The following MCM6 variants were observed in gnomAD, a reference collection of about 807,000 sequenced individuals.
MCM6 encodes minichromosome maintenance complex component 6.
MCM6 carries 46 observed loss-of-function variants against 94.3 expected under a neutral mutation model. That is an observed-to-expected ratio of 0.49 (90% CI 0.39 to 0.62). MCM6 has a LOEUF of 0.62. MCM6 is among the 20% of genes least tolerant of loss of function. The probability of loss-of-function intolerance (pLI) is 0.00; values close to 1 mark genes in which losing one functional copy is unlikely to be tolerated. For synonymous variants in MCM6, 335 were observed against 351.9 expected, an observed-to-expected ratio of 0.95 and a Z score of 0.54; for missense variants, 865 against 1,017.9, an observed-to-expected ratio of 0.85 and a Z score of 2.04.
intron 8 of MCM6, among the ~76,000 whole-genome samples, 184 bp from the exon 9 acceptor site, chr2:135,859,626 G>C (rs902515461): frequency 2.0e-5 from 3 of 150,104 alleles, no homozygotes; most frequent in Non-Finnish European, 4.4e-5. Flanking sequence ...TTTTTTTTGA[G>C]AGGGTCTCGC....
In MCM6 at chr2:135,854,038, G is replaced by A. The variant is rs141924435; in HGVS notation, c.1627-1123C>T. Reference sequence around the variant, plus strand: ...GCTCAGGAGTTCAAGACCAGTCCAGGCAACACGGCAAAACTCGGTCTCTAC... The same window carrying A: ...GCTCAGGAGTTCAAGACCAGTCCAGACAACACGGCAAAACTCGGTCTCTAC... On this transcript the variant is annotated intron_variant, in intron 11 of 16. Transcript: ENST00000264156. Among the ~76,000 whole-genome samples the A allele has an allele frequency of 2.6e-5, 4 of 152,186 alleles. No homozygotes were observed. The East Asian group carries it at 7.7e-4, about 29-fold the overall frequency.
intron 16 of MCM6, among the ~76,000 whole-genome samples, chr2:135,842,107 GATAAATAA>G (rs111345267): frequency 9.9e-5 from 15 of 151,506 alleles, no homozygotes; most frequent in African/African-American, 2.9e-4. Context: ...TCTCTCAAAA[GATAAATAA>G]ATAAATAAAT....
intron 8 of MCM6, among the ~76,000 whole-genome samples, chr2:135,860,588 T>G (rs535000861): frequency 6.3e-4 from 96 of 152,276 alleles, no homozygotes; most frequent in Non-Finnish European, 1.0e-3. Flanking sequence ...TCAATCAATA[T>G]GCTAAATTAA....
rs1342303363 is a variant in MCM6 at position 135,876,399 on chromosome 2, G to C, written c.-34C>G. 5 of 1,532,526 alleles carry C rather than the reference G, an allele frequency of 3.3e-6. No individual in the cohort carries two copies. The South Asian group carries it at 4.6e-5, about 14-fold the overall frequency. The allele number at this position is 1,532,526 out of a possible 1,614,324, so 94.9% of individuals were successfully genotyped here. ...AGTGCCGAGGATTCGCCTGCGCCAC[G>C]CTCGACCGCCACAAGTCGCTTTTTT... On this transcript the variant is annotated 5_prime_UTR_variant, in exon 1 of 17. Transcript: ENST00000264156.
At chr2:135,846,722 G>A (rs572718300) in intron 14 of MCM6, among the ~76,000 whole-genome samples, 24 of 152,070 alleles carry the variant, frequency 1.6e-4, no homozygotes, top group Admixed American at 5.9e-4. Context: ...AAAATAAACC[G>A]GCTAGGTGCA....
At position 135,844,529 on chromosome 2, in the gene MCM6, G is replaced by A. The variant is rs536635096; in HGVS notation, c.2349+16C>T. The A allele has an allele frequency of 1.4e-5, 21 of 1,479,342 alleles. No homozygotes were observed. The Admixed American group carries it at 3.1e-4, about 22-fold the overall frequency. 91.6% of individuals were successfully genotyped at this position (1,479,342 alleles called of 1,614,324 possible). A position where few individuals can be genotyped will look rare whatever the true frequency, so the allele number is the denominator to read the frequency against. On this transcript the variant is annotated intron_variant, in intron 16 of 16. Coordinates refer to ENST00000264156, the MANE Select transcript of MCM6 (RefSeq NM_005915.6). Reference sequence around the variant, plus strand: ...CTCCCTCCCTGATACCAGAGCACGCGCACTTCTGCACCTACATAGTGTGTG... The same window carrying A: ...CTCCCTCCCTGATACCAGAGCACGCACACTTCTGCACCTACATAGTGTGTG...
intron 11 of MCM6, among the ~76,000 whole-genome samples, chr2:135,855,009 AGCCAG>A (rs1679847070): frequency 6.6e-6 from 1 of 151,642 alleles, no homozygotes; most frequent in Non-Finnish European, 1.5e-5. Flanking sequence ...ACACAAAATT[AGCCAG>A]GCGTGGTGGC....
chr2:135,869,140 C>T (rs1206174527), intron 3 of MCM6, among the ~76,000 whole-genome samples: 1 of 152,126 alleles, frequency 6.6e-6, no homozygotes, highest in Non-Finnish European at 1.5e-5. Flanking sequence ...CAGTGACTCA[C>T]ACCTGTAATC....
At chr2:135,843,613 G>A (rs572432553) in intron 16 of MCM6, among the ~76,000 whole-genome samples, 12 of 151,266 alleles carry the variant, frequency 7.9e-5, no homozygotes, top group East Asian at 7.8e-4. Flanking sequence ...GGTGGCCGGC[G>A]CCTGTAATCC....
At chr2:135,843,852 G>C (rs1679624849) in intron 16 of MCM6, among the ~76,000 whole-genome samples, 1 of 152,072 alleles carries the variant, frequency 6.6e-6, no homozygotes, top group Non-Finnish European at 1.5e-5. Flanking sequence ...CTATTTGTAG[G>C]AGTGATCAAC....
At chr2:135,866,495 T>C in intron 5 of MCM6, 68 bp downstream of exon 5, 1 of 1,503,790 alleles carries the variant, frequency 6.6e-7, no homozygotes, top group South Asian at 1.3e-5. Context: ...AATGAAGATG[T>C]GGGAAGCTAG....
intron 12 of MCM6, among the ~76,000 whole-genome samples, chr2:135,852,267 A>G (rs1045507387): frequency 6.6e-6 from 1 of 151,872 alleles, no homozygotes; most frequent in African/African-American, 2.4e-5. Context: ...CAGAATGAGT[A>G]TTTTTTTTCC....
At chr2:135,851,363 T>C in intron 13 of MCM6, 39 bp downstream of exon 13, 1 of 1,542,352 alleles carries the variant, frequency 6.5e-7, no homozygotes, top group Non-Finnish European at 8.9e-7. Context: ...AACAAATCTG[T>C]TTATCTCTGC....
chr2:135,865,800 C>T (rs1049793292), intron 6 of MCM6, among the ~76,000 whole-genome samples: 1 of 152,116 alleles, frequency 6.6e-6, no homozygotes, highest in African/African-American at 2.4e-5. Context: ...ATCCCGTGCT[C>T]TCAACATTGA....
Position 135,840,895 on chromosome 2 carries a change from A to G in MCM6, c.2406T>C (p.Ser802=). The part of the protein sequence containing the change: ...QAGLKGSTEG[S]ESYEEDPYLV... ...AGTAGGGATCTTCTTCATAGCTCTCACTTCCCTCTGTGGAGCCTTTCAATC... is the reference window on the plus strand; with the variant it reads ...AGTAGGGATCTTCTTCATAGCTCTCGCTTCCCTCTGTGGAGCCTTTCAATC... The change falls in exon 17 of 17, where the codon AGT becomes AGC. Residue 802 remains serine, a synonymous_variant. Transcript: ENST00000264156. 6.2e-7 allele frequency: 1 copy of G among 1,614,150 alleles called. No homozygotes were observed.
chr2:135,850,550 G>C lies in MCM6; in HGVS notation c.1917+852C>G, dbSNP rs4988237. 3.6e-4 allele frequency among the ~76,000 whole-genome samples: 55 copies of C among 152,246 alleles called. 2 individuals carry two copies. The East Asian group carries it at 5.2e-3, about 14-fold the overall frequency. On this transcript the variant is annotated intron_variant, in intron 13 of 16. Coordinates refer to ENST00000264156, the MANE Select transcript of MCM6 (RefSeq NM_005915.6). The stretch of plus-strand genomic sequence containing the variant: ...CAAAGAATATTAAATAACCTAGTGT[G>C]AAAGTACTTCGTCAATAGTAAAGTA...
At chr2:135,845,385 C>G (rs1393981395) in intron 15 of MCM6, among the ~76,000 whole-genome samples, 1 of 152,170 alleles carries the variant, frequency 6.6e-6, no homozygotes, top group Non-Finnish European at 1.5e-5. Flanking sequence ...TGACATATAA[C>G]ATGAATCAAG....
chr2:135,858,982 C>A (rs1679939915), intron 9 of MCM6, among the ~76,000 whole-genome samples: 1 of 152,126 alleles, frequency 6.6e-6, no homozygotes, highest in Admixed American at 6.5e-5. Context: ...GCCTCCACCT[C>A]CTGGGCTCAG....
chr2:135,871,689 A>G (rs758047860), intron 2 of MCM6, among the ~76,000 whole-genome samples: 5 of 152,068 alleles, frequency 3.3e-5, no homozygotes, highest in Admixed American at 1.3e-4. Context: ...CCAAAAAACC[A>G]CAATTGGAGC....
Sources: gnomAD v4.1 joint callset for allele counts (sites outside exome capture counted in the v4.1 genomes callset) on GRCh38, gnomAD v4.1.1 for gene constraint, MANE v1.5 for transcripts, NCBI Gene and HGNC (gene_info 2026-07-23, HGNC 2026-07-21) for gene names.